The following PPP2R2B variants were observed in gnomAD, a reference collection of about 807,000 sequenced individuals.
PPP2R2B encodes serine/threonine-protein phosphatase 2A 55 kDa regulatory subunit B beta isoform.
PPP2R2B carries 5 observed loss-of-function variants against 46.0 expected under a neutral mutation model. That is an observed-to-expected ratio of 0.11 (90% CI 0.06 to 0.23). The LOEUF (loss-of-function observed/expected upper bound fraction) is 0.23. PPP2R2B is among the 10% of genes least tolerant of loss of function. PPP2R2B has a pLI of 1.00. For missense variants in PPP2R2B, 367 were observed against 575.0 expected (o/e 0.64, Z 3.70); for synonymous variants, 215 against 206.7 (o/e 1.04, Z -0.34).
chr5:147,017,626 G>A (rs1320355320), intron 1 of PPP2R2B, among the ~76,000 whole-genome samples: 2 of 151,534 alleles, frequency 1.3e-5, no homozygotes, highest in African/African-American at 4.8e-5. Flanking sequence ...AAATAAATTT[G>A]TTGAAGCTAA....
intron 5 of PPP2R2B, among the ~76,000 whole-genome samples, chr5:146,678,329 A>T (rs1226452206): frequency 6.7e-6 from 1 of 149,878 alleles, no homozygotes; most frequent in East Asian, 1.9e-4. Context: ...AAAGCCTTTG[A>T]CAAAATTCAA....
intron 2 of PPP2R2B, among the ~76,000 whole-genome samples, chr5:146,826,110 C>G (rs964313493): frequency 1.3e-5 from 2 of 152,176 alleles, no homozygotes; most frequent in African/African-American, 2.4e-5. Flanking sequence ...CTAGGCTCAT[C>G]ATCATTGCCA....
intron 2 of PPP2R2B, among the ~76,000 whole-genome samples, chr5:146,743,112 T>A (rs2151223440): frequency 6.6e-6 from 1 of 152,346 alleles, no homozygotes; most frequent in East Asian, 1.9e-4. Flanking sequence ...CCTAGCAAAC[T>A]AATATAGTAA....
chr5:147,047,278 AAATATCTGGGAGGAG>A (rs1264838068), intron 1 of PPP2R2B, among the ~76,000 whole-genome samples: 1 of 152,094 alleles, frequency 6.6e-6, no homozygotes, highest in Non-Finnish European at 1.5e-5. Flanking sequence ...TCTTAGTTAC[AAATATCTGGGAGGAG>A]AATATTAAAC....
chr5:146,633,048 T>C (rs1774545893), intron 7 of PPP2R2B, among the ~76,000 whole-genome samples: 1 of 152,068 alleles, frequency 6.6e-6, no homozygotes, highest in Non-Finnish European at 1.5e-5. Flanking sequence ...GAAAGAATAA[T>C]CCACTCTAGC....
chr5:146,621,550 C>T (rs751592109), intron 7 of PPP2R2B, among the ~76,000 whole-genome samples: 19 of 152,150 alleles, frequency 1.2e-4, no homozygotes, highest in Non-Finnish European at 2.2e-4. Context: ...AGGATTAAAC[C>T]GCTGGTTTGG....
At chr5:146,886,325 C>G (rs1029532977) in intron 1 of PPP2R2B, among the ~76,000 whole-genome samples, 1 of 91,222 alleles carries the variant, frequency 1.1e-5, no homozygotes, top group Non-Finnish European at 2.3e-5. Flanking sequence ...GGCGACAGAA[C>G]GAGACTCCGT....
intron 3 of PPP2R2B, among the ~76,000 whole-genome samples, chr5:146,699,705 G>A (rs1224686335): frequency 1.4e-5 from 2 of 145,716 alleles, no homozygotes; most frequent in South Asian, 2.1e-4. Context: ...TGGAAAAGGA[G>A]GTTTGAAAAT....
At chr5:146,613,747 A>C (rs1306712474) in intron 7 of PPP2R2B, among the ~76,000 whole-genome samples, 1 of 139,154 alleles carries the variant, frequency 7.2e-6, no homozygotes, top group Non-Finnish European at 1.5e-5. Flanking sequence ...ACTCCCATTC[A>C]CAATTGCTTC....
rs140215462 is a variant in PPP2R2B, at chr5:146,734,769, C to T, written c.71-33627G>A. Among the ~76,000 whole-genome samples, 762 of 152,234 alleles carry T rather than the reference C, an allele frequency of 5.0e-3. 36 individuals are homozygous for T. The highest frequency in any genetic ancestry group is 0.044 in the Admixed American group (680 of 15,290). On this transcript the variant is annotated intron_variant, in intron 2 of 9. Transcript: ENST00000394411. ...CTGGTGTGACAACCAAATCCTATAA[C>T]GTATAGAGAGGATTTGCCTGGTACC...
At chr5:146,813,040 T>A (rs1213125520) in intron 2 of PPP2R2B, among the ~76,000 whole-genome samples, 1 of 149,962 alleles carries the variant, frequency 6.7e-6, no homozygotes, top group Admixed American at 6.7e-5. Context: ...ATAGAGCAAG[T>A]AATTTGCCCA....
intron 2 of PPP2R2B, among the ~76,000 whole-genome samples, chr5:146,866,062 A>C (rs1285666087): frequency 1.3e-5 from 2 of 152,242 alleles, no homozygotes; most frequent in African/African-American, 4.8e-5. Flanking sequence ...TCACTAGAAT[A>C]CAGCCATGTC....
chr5:146,939,884 T>C (rs1046307349), intron 1 of PPP2R2B, among the ~76,000 whole-genome samples: 3 of 152,190 alleles, frequency 2.0e-5, no homozygotes, highest in African/African-American at 7.2e-5. Flanking sequence ...CATGTACAAG[T>C]TTTATTTTGC....
At chr5:147,064,553 C>T (rs1757362942) in intron 2 of PPP2R2B, among the ~76,000 whole-genome samples, 1 of 152,186 alleles carries the variant, frequency 6.6e-6, no homozygotes, top group Middle Eastern at 3.2e-3. Context: ...GCATATTAGG[C>T]AGCATAACGA....
At chr5:146,970,019 T>A (rs1049289839) in intron 1 of PPP2R2B, among the ~76,000 whole-genome samples, 1 of 152,180 alleles carries the variant, frequency 6.6e-6, no homozygotes, top group African/African-American at 2.4e-5. Flanking sequence ...GATGTAATCA[T>A]CCAGGATGCA....
chr5:146,589,776 G>GTTTC lies in PPP2R2B; in HGVS notation c.*167_*170dup. 2 of 714,696 alleles carry GTTTC rather than the reference G, an allele frequency of 2.8e-6. No homozygotes were observed. Among genetic ancestry groups the GTTTC allele is most frequent in the East Asian group, 5.4e-5 (2 of 37,172 alleles). The allele number at this position is 714,696 out of a possible 1,614,324, so 44.3% of individuals were successfully genotyped here. ...CCCAAACCTATTGGGTTTGACAAAAGTTTCTTAGAACTGGGGAGCTGGGAA... is the reference window on the plus strand; with the variant it reads ...CCCAAACCTATTGGGTTTGACAAAAGTTTCTTTCTTAGAACTGGGGAGCTGGGAA... On this transcript the variant is annotated 3_prime_UTR_variant, in exon 10 of 10. Coordinates refer to ENST00000394411, the MANE Select transcript of PPP2R2B (RefSeq NM_181675.4).
intron 6 of PPP2R2B, among the ~76,000 whole-genome samples, chr5:146,644,213 C>T (rs898341544): frequency 9.1e-6 from 1 of 109,680 alleles, no homozygotes; most frequent in Non-Finnish European, 1.7e-5. Flanking sequence ...GGAACCTGAA[C>T]TTCTTCCCTT....
At chr5:146,823,904 G>A (rs1450705842) in intron 2 of PPP2R2B, among the ~76,000 whole-genome samples, 2 of 152,042 alleles carry the variant, frequency 1.3e-5, no homozygotes, top group African/African-American at 4.8e-5. Context: ...ATGCTGTAAT[G>A]GTCCTTGCTT....
chr5:146,882,635 T>C (rs1337021549), upstream of PPP2R2B, among the ~76,000 whole-genome samples: 1 of 152,222 alleles, frequency 6.6e-6, no homozygotes, highest in East Asian at 1.9e-4. Context: ...ACTTTCGTCA[T>C]CATCACCATC....
Sources: allele counts gnomAD v4.1 joint callset (sites outside exome capture counted in the v4.1 genomes callset), GRCh38; gene constraint gnomAD v4.1.1; transcripts MANE v1.5; gene names NCBI Gene and HGNC (gene_info 2026-07-23, HGNC 2026-07-21).